PTBP2: variants seen among roughly 807,000 people sequenced by gnomAD.
The protein encoded by PTBP2 is polypyrimidine tract-binding protein 2.
A neutral mutation model predicts 61.4 loss-of-function variants in PTBP2; 13 were observed. The observed-to-expected ratio is 0.21, with a 90% CI of 0.14 to 0.34. The LOEUF is 0.34. Among genes scored for constraint, PTBP2 ranks in the 10% least tolerant of loss-of-function variants. The probability of loss-of-function intolerance (pLI) is 1.00; values close to 1 mark genes in which losing one functional copy is unlikely to be tolerated. For synonymous variants in PTBP2, 215 were observed against 218.5 expected, an observed-to-expected ratio of 0.98 and a Z score of 0.14; for missense variants, 405 against 642.6, an observed-to-expected ratio of 0.63 and a Z score of 4.00.
intron 3 of PTBP2, among the ~76,000 whole-genome samples, chr1:96,762,927 T>G (rs1257433188): frequency 6.7e-6 from 1 of 149,480 alleles, no homozygotes; most frequent in East Asian, 2.0e-4. Flanking sequence ...GAGGCGCTCC[T>G]CACATCCCAG....
chr1:96,732,475 A>G (rs1651556365), intron 2 of PTBP2, among the ~76,000 whole-genome samples: 2 of 152,198 alleles, frequency 1.3e-5, no homozygotes, highest in East Asian at 1.9e-4. Flanking sequence ...TTGTTCCTCA[A>G]TCATTAATAG....
chr1:96,810,320 A>C lies in PTBP2; in HGVS notation c.1172-2392A>C, dbSNP rs374756390. Reference sequence around the variant, plus strand: ...TTGTTTAAAATTTTATTCATTTAAAATTAGTAATTCAGGTAATTTCCTTCT... The same window carrying C: ...TTGTTTAAAATTTTATTCATTTAAACTTAGTAATTCAGGTAATTTCCTTCT... On this transcript the variant is annotated intron_variant, in intron 11 of 13. Coordinates refer to ENST00000674951, the MANE Select transcript of PTBP2 (RefSeq NM_021190.4). Among the ~76,000 whole-genome samples, 3 of 152,340 alleles carry C rather than the reference A, an allele frequency of 2.0e-5. No individual in the cohort carries two copies. The East Asian group carries it at 5.8e-4, about 29-fold the overall frequency.
intron 3 of PTBP2, among the ~76,000 whole-genome samples, chr1:96,762,845 A>C (rs1481624984): frequency 2.6e-5 from 3 of 116,702 alleles, no homozygotes; most frequent in Non-Finnish European, 3.5e-5. Flanking sequence ...GGGCGGAGGG[A>C]CTCCTCGCTT....
At chr1:96,771,029 C>T (rs899742965) in intron 5 of PTBP2, 178 bp downstream of exon 5, 2 of 478,446 alleles carry the variant, frequency 4.2e-6, no homozygotes, top group African/African-American at 2.0e-5. Context: ...ATTTTGAATT[C>T]CTTTAATCCC....
intron 2 of PTBP2, among the ~76,000 whole-genome samples, chr1:96,742,902 C>A (rs1188455477): frequency 6.6e-6 from 1 of 152,118 alleles, no homozygotes; most frequent in Non-Finnish European, 1.5e-5. Context: ...GTCGTCTAAT[C>A]TCCAGTATTC....
At chr1:96,783,299 CTT>C (rs945938682) in intron 7 of PTBP2, among the ~76,000 whole-genome samples, 10 of 151,980 alleles carry the variant, frequency 6.6e-5, no homozygotes, top group African/African-American at 2.4e-4. Flanking sequence ...TAATTTACAT[CTT>C]GTTTGCTTAT....
chr1:96,823,018 C>T (rs1211867448), exon 14 of PTBP2: 2 of 150,486 alleles, frequency 1.3e-5, no homozygotes, highest in Non-Finnish European at 2.9e-5. Context: ...CGGAGTGCAA[C>T]AGTGTGATCT....
Position 96,746,913 on chromosome 1 carries a change from C to CCCTTCCTTCCTT in PTBP2, c.40-4492_40-4481dup, listed in dbSNP as rs1214485803. Reference sequence around the variant, plus strand: ...TCCCTCCCTCCCTCCCTCCCTCCCTCCCTTCCTTCCTTCCTTCCTTCCTTC... The same window carrying CCCTTCCTTCCTT: ...TCCCTCCCTCCCTCCCTCCCTCCCTCCCTTCCTTCCTTCCTTCCTTCCTTCCTTCCTTCCTTC... On this transcript the variant is annotated intron_variant, in intron 2 of 13. Transcript: ENST00000674951. Among the ~76,000 whole-genome samples the CCCTTCCTTCCTT allele has an allele frequency of 1.7e-3, 49 of 29,520 alleles. 1 individual carries two copies. The highest frequency in any genetic ancestry group is 0.022 in the Middle Eastern group (1 of 46). The allele number at this position is 29,520 out of a possible 152,430, so 19.4% of individuals were successfully genotyped here.
chr1:96,723,190 C>T (rs1332287831), intron 1 of PTBP2, among the ~76,000 whole-genome samples: 1 of 152,082 alleles, frequency 6.6e-6, no homozygotes, highest in South Asian at 2.1e-4. Context: ...GATGTCAAAA[C>T]TTGCACTAGA....
intron 3 of PTBP2, among the ~76,000 whole-genome samples, chr1:96,757,590 T>A (rs1186986372): frequency 2.6e-5 from 4 of 152,194 alleles, no homozygotes; most frequent in Admixed American, 2.6e-4. Context: ...TGCTATCATG[T>A]TGGCTTAACT....
At chr1:96,746,496 T>G (rs890284148) in intron 2 of PTBP2, among the ~76,000 whole-genome samples, 1 of 152,100 alleles carries the variant, frequency 6.6e-6, no homozygotes, top group Admixed American at 6.5e-5. Context: ...CCTATTTGTG[T>G]TTTTTGCTTG....
chr1:96,799,203 C>G (rs897865944), intron 8 of PTBP2, among the ~76,000 whole-genome samples: 1 of 151,994 alleles, frequency 6.6e-6, no homozygotes, highest in African/African-American at 2.4e-5. Flanking sequence ...GAAAAAGATT[C>G]CTGCAACACC....
At chr1:96,754,593 A>G (rs1261540157) in intron 3 of PTBP2, among the ~76,000 whole-genome samples, 2 of 152,208 alleles carry the variant, frequency 1.3e-5, no homozygotes, top group African/African-American at 4.8e-5. Context: ...AGCATTGACT[A>G]CCAGTTTTCA....
intron 2 of PTBP2, among the ~76,000 whole-genome samples, chr1:96,744,286 T>A (rs1040782333): frequency 6.6e-6 from 1 of 152,108 alleles, no homozygotes; most frequent in Non-Finnish European, 1.5e-5. Context: ...TCAGGATAAT[T>A]AATAAAAGTA....
intron 8 of PTBP2, among the ~76,000 whole-genome samples, chr1:96,789,095 C>G (rs1418929506): frequency 6.6e-6 from 1 of 151,928 alleles, no homozygotes; most frequent in Non-Finnish European, 1.5e-5. Flanking sequence ...GGGTAGATCA[C>G]TTTTAGAAAA....
At chr1:96,757,551 C>T (rs1005721130) in intron 3 of PTBP2, among the ~76,000 whole-genome samples, 1 of 151,960 alleles carries the variant, frequency 6.6e-6, no homozygotes, top group Non-Finnish European at 1.5e-5. Context: ...GTCCTAGCCC[C>T]CAAATAAAAA....
At chr1:96,721,906 A>G (rs778064495) in intron 1 of PTBP2, 34 bp downstream of exon 1, 2 of 1,569,906 alleles carry the variant, frequency 1.3e-6, no homozygotes, top group East Asian at 2.3e-5. Context: ...GGTGTGTGTG[A>G]GAGAGGAGTT....
chr1:96,769,583 A>C (rs1657151285), intron 3 of PTBP2, 120 bp from the exon 4 acceptor site: 1 of 611,662 alleles, frequency 1.6e-6, no homozygotes, highest in Non-Finnish European at 2.6e-6. Flanking sequence ...GAATTATTTA[A>C]GTATTCTCAG....
Position 96,812,872 on chromosome 1 carries a change from C to CA in PTBP2, c.1337dup (p.Asn446LysfsTer16). On this transcript the variant is annotated frameshift_variant, in exon 12 of 14. Coordinates refer to ENST00000674951, the MANE Select transcript of PTBP2 (RefSeq NM_021190.4). LOFTEE classifies it high-confidence loss of function. ...TGCATCGTTTTAAGAAACCTGGATC[C>CA]AAAAATTTTCAAAACATTTTTCCTC... 6.2e-7 allele frequency: 1 copy of CA among 1,613,836 alleles called. No individual in the cohort carries two copies. The highest frequency in any genetic ancestry group is 8.5e-7 in the Non-Finnish European group (1 of 1,179,840).
Sources: allele counts gnomAD v4.1 joint callset (sites outside exome capture counted in the v4.1 genomes callset), GRCh38; gene constraint gnomAD v4.1.1; transcripts MANE v1.5; gene names NCBI Gene and HGNC (gene_info 2026-07-23, HGNC 2026-07-21).